The following TIA1 variants were observed in gnomAD, a reference collection of about 807,000 sequenced individuals.
TIA1 encodes the protein cytotoxic granule associated RNA binding protein TIA1.
A neutral mutation model predicts 65.9 loss-of-function variants in TIA1; 23 were observed. That is an observed-to-expected ratio of 0.35 (90% CI 0.25 to 0.49). TIA1 has a LOEUF of 0.49. Ranked by LOEUF, TIA1 falls within the 20% of genes least tolerant of loss-of-function variation. The pLI, the probability that TIA1 is intolerant of heterozygous loss-of-function variation, is 0.98. For synonymous variants in TIA1, 147 were observed against 149.4 expected (o/e 0.98, Z 0.12); for missense variants, 371 against 477.9 (o/e 0.78, Z 2.09).
chr2:70,212,491 T>C lies in TIA1; in HGVS notation c.*228A>G. The C allele has an allele frequency of 2.6e-6, 1 of 379,494 alleles. No homozygotes were observed. The allele number at this position is 379,494 out of a possible 1,614,324, so 23.5% of individuals were successfully genotyped here. ...TGTTTGAAACAAGGATCTGAGAAACTTTATCAAAAAAGGTAATGAAGGCAA... is the reference window on the plus strand; with the variant it reads ...TGTTTGAAACAAGGATCTGAGAAACCTTATCAAAAAAGGTAATGAAGGCAA... On this transcript the variant is annotated 3_prime_UTR_variant, in exon 13 of 13. Transcript: ENST00000433529.
At position 70,214,392 on chromosome 2, in the gene TIA1, C is replaced by T. The variant is rs797002530; in HGVS notation, c.991G>A (p.Ala331Thr). 4 of 1,613,936 alleles carry T rather than the reference C, an allele frequency of 2.5e-6. No homozygotes were observed. The highest frequency in any genetic ancestry group is 2.5e-6 in the Non-Finnish European group (3 of 1,179,936). Residue 331 changes from alanine to threonine, a missense_variant, in exon 12 of 13, where the codon GCA becomes ACA. By Grantham distance (58) the Ala-to-Thr change is moderately conservative. Transcript: ENST00000433529. ...CATGCCTGGCCATACATTCCATATG[C>T]AGGAACTTGCCAACCATTAGGCATA... ...QYMPNGWQVP[A>T]YGMYGQAWNQ...
At chr2:70,215,255 C>G in intron 11 of TIA1, 116 bp downstream of exon 11, 1 of 1,305,652 alleles carries the variant, frequency 7.7e-7, no homozygotes, top group Non-Finnish European at 1.1e-6. Context: ...GTAGGAAGAG[C>G]CCTTATATAC....
chr2:70,225,444 A>G (rs1683389337), intron 6 of TIA1: 1 of 1,283,082 alleles, frequency 7.8e-7, no homozygotes, highest in Non-Finnish European at 1.0e-6. Flanking sequence ...AAACCCAGCC[A>G]TGATAGCTAA....
At chr2:70,219,842 A>G (rs904131073) in intron 7 of TIA1, among the ~76,000 whole-genome samples, 14 of 151,160 alleles carry the variant, frequency 9.3e-5, no homozygotes, top group African/African-American at 3.2e-4. Context: ...GGCCTCCCAA[A>G]GTTCTGTTAT....
At chr2:70,234,573 T>A (rs982328327) in intron 2 of TIA1, among the ~76,000 whole-genome samples, 2 of 152,340 alleles carry the variant, frequency 1.3e-5, no homozygotes, top group South Asian at 4.1e-4. Flanking sequence ...TGGATAAATA[T>A]ATATTTTTGA....
intron 6 of TIA1, chr2:70,225,080 C>G (rs1573427715): frequency 1.0e-6 from 1 of 995,266 alleles, no homozygotes; most frequent in Non-Finnish European, 1.2e-6. Flanking sequence ...TGTATATTCC[C>G]TAAACTAATT....
chr2:70,238,260 G>GTTTTTTTTTTTTT (rs763865705), intron 1 of TIA1, among the ~76,000 whole-genome samples: 3 of 94,616 alleles, frequency 3.2e-5, no homozygotes, highest in South Asian at 3.5e-4. Flanking sequence ...GTTCCCCCAA[G>GTTTTTTTTTTTTT]TTTTTTTTTT....
At chr2:70,238,054 G>A (rs1324401247) in intron 1 of TIA1, among the ~76,000 whole-genome samples, 15 of 151,202 alleles carry the variant, frequency 9.9e-5, no homozygotes, top group African/African-American at 3.6e-4. Flanking sequence ...CCGGCTACTC[G>A]GGAGGCTGAG....
At chr2:70,218,015 G>A (rs1573252261) in intron 7 of TIA1, among the ~76,000 whole-genome samples, 2 of 152,282 alleles carry the variant, frequency 1.3e-5, no homozygotes, top group South Asian at 2.1e-4. Flanking sequence ...CCAGGCATGC[G>A]GTTAAGAGCT....
rs780392622 is a variant in TIA1, at chr2:70,227,832, G to A, written c.311-10C>T. 1.3e-6 allele frequency: 2 copies of A among 1,554,368 alleles called. No individual in the cohort carries two copies. The highest frequency in any genetic ancestry group is 1.8e-6 in the Non-Finnish European group (2 of 1,138,956). On this transcript the variant is annotated splice_polypyrimidine_tract_variant and intron_variant, in intron 5 of 12. Transcript: ENST00000433529. The stretch of plus-strand genomic sequence containing the variant: ...AAGACATGGAAATGATCTTATAAGG[G>A]GAAGGAAGGGGAAGTGAAAAGAAAA...
chr2:70,220,495 A>G (rs775683543), intron 7 of TIA1, among the ~76,000 whole-genome samples: 3 of 152,198 alleles, frequency 2.0e-5, no homozygotes, highest in Non-Finnish European at 4.4e-5. Flanking sequence ...TTATACAGCT[A>G]CAAGCCAATG....
In TIA1 at chr2:70,211,943, T is replaced by C. The variant is rs996153056; in HGVS notation, c.*776A>G. 3.9e-5 allele frequency: 6 copies of C among 152,538 alleles called. No homozygotes were observed. The highest frequency in any genetic ancestry group is 1.4e-4 in the African/African-American group (6 of 41,452). The allele number at this position is 152,538 out of a possible 1,614,324, so 9.4% of individuals were successfully genotyped here. A position where few individuals can be genotyped will look rare whatever the true frequency, so the allele number is the denominator to read the frequency against. The stretch of plus-strand genomic sequence containing the variant: ...AGTAACAAGTTTTTGTTTTTATAGT[T>C]CCTGGTACACAGCAAAGTTTATCAC... On this transcript the variant is annotated 3_prime_UTR_variant, in exon 13 of 13. Transcript: ENST00000433529.
chr2:70,231,496 C>T (rs1558870444), intron 2 of TIA1, among the ~76,000 whole-genome samples: 1 of 151,498 alleles, frequency 6.6e-6, no homozygotes. Flanking sequence ...TTATACATAG[C>T]TATTTTCTTC....
intron 2 of TIA1, among the ~76,000 whole-genome samples, chr2:70,231,738 C>T (rs981858417): frequency 6.6e-6 from 1 of 152,180 alleles, no homozygotes; most frequent in African/African-American, 2.4e-5. Flanking sequence ...CTTGCTGCTA[C>T]TAGCTTGCTG....
At chr2:70,235,146 T>C (rs2104549981) in intron 2 of TIA1, among the ~76,000 whole-genome samples, 2 of 152,264 alleles carry the variant, frequency 1.3e-5, no homozygotes, top group East Asian at 3.9e-4. Context: ...CCAGGTACAG[T>C]GGCTCATACC....
chr2:70,210,501 C>T lies in TIA1; in HGVS notation c.*2218G>A, dbSNP rs570429252. 6.6e-6 allele frequency: 1 copy of T among 152,294 alleles called. No individual in the cohort carries two copies. Among genetic ancestry groups the T allele is most frequent in the African/African-American group, 2.4e-5 (1 of 41,568 alleles). The allele number at this position is 152,294 out of a possible 1,614,324, so 9.4% of individuals were successfully genotyped here. ...CTTTTCATCATGAGTACTGATACCA[C>T]TTTCTTCTCAGAAAGTAGTCAATGT... On this transcript the variant is annotated 3_prime_UTR_variant, in exon 13 of 13. Transcript: ENST00000433529.
In TIA1 at chr2:70,211,953, C is replaced by T. The variant is rs1170889438; in HGVS notation, c.*766G>A. 2.0e-5 allele frequency: 3 copies of T among 152,460 alleles called. No homozygotes were observed. The highest frequency in any genetic ancestry group is 2.9e-5 in the Non-Finnish European group (2 of 68,024). The allele number at this position is 152,460 out of a possible 1,614,324, so 9.4% of individuals were successfully genotyped here. ...TTTTGTTTTTATAGTTCCTGGTACA[C>T]AGCAAAGTTTATCACGAAAGATAAA... On this transcript the variant is annotated 3_prime_UTR_variant, in exon 13 of 13. Transcript: ENST00000433529.
intron 2 of TIA1, among the ~76,000 whole-genome samples, chr2:70,235,337 C>A (rs1221927374): frequency 1.3e-5 from 2 of 152,136 alleles, no homozygotes; most frequent in Non-Finnish European, 2.9e-5. Context: ...ATTGCTTGAA[C>A]CCGGGAGGCG....
chr2:70,248,419 C>T lies in TIA1; in HGVS notation c.12G>A (p.Glu4=). 6.2e-7 allele frequency: 1 copy of T among 1,600,676 alleles called. No individual in the cohort carries two copies. Among genetic ancestry groups the T allele is most frequent in the Non-Finnish European group, 8.5e-7 (1 of 1,179,948 alleles). Residue 4 remains glutamate (E), a synonymous_variant, in exon 1 of 13, where the codon GAG becomes GAA. Transcript: ENST00000433529. MED[E]MPKTLYVGNL... ...CCCAGACTCACAGAGTCTTGGGCAT[C>T]TCGTCCTCCATGGCTGCTGCTGTCG...
Sources: allele counts gnomAD v4.1 joint callset (sites outside exome capture counted in the v4.1 genomes callset), GRCh38; gene constraint gnomAD v4.1.1; transcripts MANE v1.5; gene names NCBI Gene and HGNC (gene_info 2026-07-23, HGNC 2026-07-21).